CWF19L1: variants seen among roughly 807,000 people sequenced by gnomAD.
CWF19L1 encodes the protein CWF19 like cell cycle control factor 1, also known as CWF19-like protein 1.
In CWF19L1, 60 loss-of-function variants were observed where a neutral mutation model predicts 69.7. The ratio of observed to expected loss-of-function variants is 0.86; its 90% CI spans 0.70 to 1.07. The LOEUF is 1.07. Among genes scored for constraint, CWF19L1 ranks in the 50% least tolerant of loss-of-function variants. The pLI is 0.00. For synonymous variants in CWF19L1, 209 were observed against 222.2 expected (o/e 0.94, Z 0.53); for missense variants, 591 against 638.9 (o/e 0.92, Z 0.81).
intron 10 of CWF19L1, among the ~76,000 whole-genome samples, chr10:100,240,835 C>G (rs1044740482): frequency 1.3e-5 from 2 of 151,880 alleles, no homozygotes; most frequent in African/African-American, 4.8e-5. Flanking sequence ...AAAAAAGATG[C>G]AAAAGAGATC....
intron 4 of CWF19L1, 77 bp downstream of exon 4, chr10:100,260,141 C>A: frequency 1.1e-6 from 1 of 910,770 alleles, no homozygotes; most frequent in Non-Finnish European, 1.7e-6. Flanking sequence ...GCACTCCAGC[C>A]TGGGTGACAG....
In CWF19L1 at chr10:100,236,835, C is replaced by T. The variant is rs1226970484; in HGVS notation, c.1374+15G>A. On this transcript the variant is annotated intron_variant, in intron 12 of 13. Coordinates refer to ENST00000354105, the MANE Select transcript of CWF19L1 (RefSeq NM_018294.6). Reference sequence around the variant, plus strand: ...ATATTTACTCTTCCCTGAATATCACCATCCCCTGTTTCACCTGCTTGATGT... The same window carrying T: ...ATATTTACTCTTCCCTGAATATCACTATCCCCTGTTTCACCTGCTTGATGT... 6.4e-7 allele frequency: 1 copy of T among 1,573,436 alleles called. No homozygotes were observed. Among genetic ancestry groups the T allele is most frequent in the Non-Finnish European group, 8.6e-7 (1 of 1,165,160 alleles).
chr10:100,236,515 G>T (rs574394024), intron 12 of CWF19L1, among the ~76,000 whole-genome samples: 1 of 152,288 alleles, frequency 6.6e-6, no homozygotes, highest in Non-Finnish European at 1.5e-5. Flanking sequence ...GGTGGCTCAT[G>T]CCTGTAATAC....
chr10:100,238,398 T>C (rs2134277901), intron 10 of CWF19L1, among the ~76,000 whole-genome samples, 167 bp from the exon 11 acceptor site: 1 of 152,328 alleles, frequency 6.6e-6, no homozygotes, highest in Middle Eastern at 3.4e-3. Context: ...GTAGCAACAA[T>C]GTTCTCAGGT....
chr10:100,265,511 C>T (rs1589637744), intron 1 of CWF19L1, among the ~76,000 whole-genome samples: 1 of 142,644 alleles, frequency 7.0e-6, no homozygotes, highest in African/African-American at 2.6e-5. Context: ...ACAGTATTTT[C>T]TTTTTTTCTT....
intron 13 of CWF19L1, among the ~76,000 whole-genome samples, chr10:100,235,223 G>A (rs982494231): frequency 2.0e-5 from 3 of 152,106 alleles, no homozygotes; most frequent in African/African-American, 4.8e-5. Context: ...CTGGTAAATC[G>A]GGATGACAGT....
intron 1 of CWF19L1, 148 bp downstream of exon 1, chr10:100,267,423 C>A (rs1435485234): frequency 7.1e-6 from 11 of 1,541,854 alleles, no homozygotes; most frequent in African/African-American, 4.1e-5. Flanking sequence ...CCCGGCCAGG[C>A]AAAGACATCA....
At chr10:100,246,542 A>T (rs1846824088) in intron 8 of CWF19L1, among the ~76,000 whole-genome samples, 1 of 152,224 alleles carries the variant, frequency 6.6e-6, no homozygotes, top group African/African-American at 2.4e-5. Flanking sequence ...AAGACTTTAC[A>T]AATAAAACTG....
chr10:100,266,722 G>T (rs1286750450), intron 1 of CWF19L1, among the ~76,000 whole-genome samples: 2 of 145,402 alleles, frequency 1.4e-5, no homozygotes, highest in Admixed American at 6.8e-5. Flanking sequence ...GTGTCACCAC[G>T]TTGGCCAGGC....
Position 100,260,199 on chromosome 10 carries a change from A to G in CWF19L1, c.289+19T>C. 6.7e-7 allele frequency: 1 copy of G among 1,502,100 alleles called. No homozygotes were observed. Among genetic ancestry groups the G allele is most frequent in the Non-Finnish European group, 9.1e-7 (1 of 1,094,556 alleles). The allele number at this position is 1,502,100 out of a possible 1,614,324, so 93.0% of individuals were successfully genotyped here. A position where few individuals can be genotyped will look rare whatever the true frequency, so the allele number is the denominator to read the frequency against. The stretch of plus-strand genomic sequence containing the variant: ...AAAAAACAAAAAACAAAAAAAAAAT[A>G]CAACAAGTATCAGCTTACCCAGATA... On this transcript the variant is annotated intron_variant, in intron 4 of 13. Coordinates refer to ENST00000354105, the MANE Select transcript of CWF19L1 (RefSeq NM_018294.6).
intron 5 of CWF19L1, chr10:100,253,765 A>G: frequency 2.3e-6 from 1 of 426,204 alleles, no homozygotes; most frequent in Non-Finnish European, 4.1e-6. Context: ...GTTGGAAGCC[A>G]GAGATTAAAA....
chr10:100,256,706 C>G (rs546251276), intron 4 of CWF19L1, among the ~76,000 whole-genome samples: 1 of 152,114 alleles, frequency 6.6e-6, no homozygotes, highest in African/African-American at 2.4e-5. Flanking sequence ...CTGGAGCCCA[C>G]GGGCCAGTAT....
At chr10:100,252,528 A>G (rs887440848) in intron 6 of CWF19L1, among the ~76,000 whole-genome samples, 2 of 151,560 alleles carry the variant, frequency 1.3e-5, no homozygotes, top group Non-Finnish European at 2.9e-5. Flanking sequence ...TGCAAAAGAA[A>G]AAAAATAAAA....
At chr10:100,243,587 G>T in intron 10 of CWF19L1, 111 bp downstream of exon 10, 1 of 971,580 alleles carries the variant, frequency 1.0e-6, no homozygotes, top group Non-Finnish European at 1.6e-6. Flanking sequence ...GAAAATCACC[G>T]AATCATACAC....
In CWF19L1 at chr10:100,246,949, G is replaced by C. The variant is rs761526846; in HGVS notation, c.709-14C>G. 3.1e-6 allele frequency: 5 copies of C among 1,588,836 alleles called. No homozygotes were observed. Among genetic ancestry groups the C allele is most frequent in the Non-Finnish European group, 4.3e-6 (5 of 1,162,856 alleles). ...CGCGTAAAGATACTTTAGAGAAAAA[G>C]AACATAATGACATTAGGGGAAATAC... On this transcript the variant is annotated splice_polypyrimidine_tract_variant and intron_variant, in intron 7 of 13. Coordinates refer to ENST00000354105, the MANE Select transcript of CWF19L1 (RefSeq NM_018294.6).
chr10:100,249,923 A>G (rs915701082), intron 7 of CWF19L1, among the ~76,000 whole-genome samples: 1 of 152,218 alleles, frequency 6.6e-6, no homozygotes, highest in African/African-American at 2.4e-5. Context: ...TGAAGTTGCT[A>G]AAGAAGTAAG....
At chr10:100,260,759 G>A (rs1847373893) in intron 3 of CWF19L1, among the ~76,000 whole-genome samples, 2 of 152,118 alleles carry the variant, frequency 1.3e-5, no homozygotes, top group Admixed American at 1.3e-4. Context: ...CTGACCTCAG[G>A]TGATCCACAT....
chr10:100,260,741 T>C (rs555337616), intron 3 of CWF19L1, among the ~76,000 whole-genome samples: 11 of 152,272 alleles, frequency 7.2e-5, no homozygotes, highest in African/African-American at 2.6e-4. Context: ...CAGGCTGGTC[T>C]TGAACCCCTG....
intron 10 of CWF19L1, among the ~76,000 whole-genome samples, chr10:100,241,823 T>A (rs1846649173): frequency 6.6e-6 from 1 of 152,198 alleles, no homozygotes; most frequent in Non-Finnish European, 1.5e-5. Flanking sequence ...AATCCATTCA[T>A]GAAGGCAGAG....
Sources: gnomAD v4.1 joint callset for allele counts (sites outside exome capture counted in the v4.1 genomes callset) on GRCh38, gnomAD v4.1.1 for gene constraint, MANE v1.5 for transcripts, NCBI Gene and HGNC (gene_info 2026-07-23, HGNC 2026-07-21) for gene names.